Variants in TEX9 observed in about 807,000 individuals in gnomAD.
TEX9 encodes the protein testis-expressed protein 9.
A neutral mutation model predicts 59.6 loss-of-function variants in TEX9; 74 were observed. That is an observed-to-expected ratio of 1.24 (90% CI 1.03 to 1.51). The LOEUF is 1.51. TEX9 is among the 40% of genes most tolerant of loss of function. The pLI, the probability that TEX9 is intolerant of heterozygous loss-of-function variation, is 0.00. For missense variants in TEX9, 522 were observed against 447.8 expected (o/e 1.17, Z -1.49); for synonymous variants, 186 against 152.2 (o/e 1.22, Z -1.64).
In TEX9 at chr15:56,258,339, T is replaced by A. The variant is rs188608686; in HGVS notation, c.-107+14061T>A. ...AGTTCTGTGAAGAAGTCGATGGTAGTTTAATGGGAGTAGCGTAGAATCTAT... is the reference window on the plus strand; with the variant it reads ...AGTTCTGTGAAGAAGTCGATGGTAGATTAATGGGAGTAGCGTAGAATCTAT... On this transcript the variant is annotated intron_variant, in intron 1 of 5. Transcript: ENST00000560827. 9.2e-5 allele frequency among the ~76,000 whole-genome samples: 14 copies of A among 152,208 alleles called. No homozygotes were observed. In the East Asian group the frequency reaches 2.7e-3, roughly 29 times the overall value.
At chr15:56,309,904 G>C (rs527325640) in intron 1 of TEX9, among the ~76,000 whole-genome samples, 8 of 151,906 alleles carry the variant, frequency 5.3e-5, no homozygotes, top group Admixed American at 4.6e-4. Context: ...CTGGAGGTGG[G>C]CACTGGGAGA....
Position 56,427,598 on chromosome 15 carries a change from TG to T in TEX9, c.964-6del. 1 of 1,499,838 alleles carries T rather than the reference TG, an allele frequency of 6.7e-7. No individual in the cohort carries two copies. The highest frequency in any genetic ancestry group is 1.4e-5 in the South Asian group (1 of 72,942). 92.9% of individuals were successfully genotyped at this position (1,499,838 alleles called of 1,614,324 possible). A position where few individuals can be genotyped will look rare whatever the true frequency, so the allele number is the denominator to read the frequency against. On this transcript the variant is annotated splice_polypyrimidine_tract_variant and splice_region_variant and intron_variant, in intron 10 of 12. Transcript: ENST00000352903. Reference sequence around the variant, plus strand: ...AAAATATATGGCACTTTTTTTTCCTTGTGTAGGACATAGCAAATGAAGAACA... The same window carrying T: ...AAAATATATGGCACTTTTTTTTCCTTTGTAGGACATAGCAAATGAAGAACA...
chr15:56,365,956 T>C (rs1773799596), intron 2 of TEX9: 7 of 1,184,954 alleles, frequency 5.9e-6, no homozygotes, highest in Non-Finnish European at 7.4e-6. Context: ...TTGGAAGTTA[T>C]TTGGGTAGCA....
chr15:56,271,063 TA>T (rs1314471399), intron 1 of TEX9, among the ~76,000 whole-genome samples: 2 of 152,168 alleles, frequency 1.3e-5, no homozygotes, highest in Non-Finnish European at 2.9e-5. Context: ...TGGCTGCCCT[TA>T]ACATTTTTCC....
chr15:56,313,651 A>C (rs1479910091), intron 1 of TEX9, among the ~76,000 whole-genome samples: 1 of 136,160 alleles, frequency 7.3e-6, no homozygotes, highest in Non-Finnish European at 1.6e-5. Context: ...TATCAGAATG[A>C]TGCTGGCCTC....
intron 1 of TEX9, among the ~76,000 whole-genome samples, chr15:56,335,035 C>G (rs1234341658): frequency 6.6e-6 from 1 of 152,076 alleles, no homozygotes; most frequent in East Asian, 1.9e-4. Flanking sequence ...AAAAGGGAAT[C>G]CTGGTACACT....
At chr15:56,347,993 A>G (rs1299989490) in intron 1 of TEX9, among the ~76,000 whole-genome samples, 2 of 152,078 alleles carry the variant, frequency 1.3e-5, no homozygotes, top group Non-Finnish European at 2.9e-5. Flanking sequence ...GGATGTTAGA[A>G]AAGTGCATGT....
At chr15:56,376,541 A>G (rs1177468655) in intron 3 of TEX9, among the ~76,000 whole-genome samples, 1 of 152,020 alleles carries the variant, frequency 6.6e-6, no homozygotes, top group Non-Finnish European at 1.5e-5. Context: ...CCTGTTTGCC[A>G]TGTGTGTGTT....
chr15:56,258,165 G>T (rs188809438), intron 1 of TEX9, among the ~76,000 whole-genome samples: 1 of 151,964 alleles, frequency 6.6e-6, no homozygotes, highest in Admixed American at 6.6e-5. Flanking sequence ...TTCTTGTACT[G>T]GTACCATGCT....
intron 12 of TEX9, chr15:56,443,632 T>C (rs371101540): frequency 2.7e-5 from 44 of 1,609,676 alleles, no homozygotes; most frequent in Non-Finnish European, 3.3e-5. Context: ...GTGGTTATTT[T>C]AATACCGCAT....
chr15:56,316,479 G>C (rs1485038208), intron 1 of TEX9, among the ~76,000 whole-genome samples: 1 of 149,884 alleles, frequency 6.7e-6, no homozygotes, highest in South Asian at 2.2e-4. Context: ...AGGGGTCAGG[G>C]ACCCACTTGA....
chr15:56,281,284 G>C (rs1345108835), intron 1 of TEX9, among the ~76,000 whole-genome samples: 1 of 152,212 alleles, frequency 6.6e-6, no homozygotes, highest in Non-Finnish European at 1.5e-5. Context: ...TATAGTTTAA[G>C]TCAGGGGTCC....
intron 8 of TEX9, 89 bp downstream of exon 8, chr15:56,394,336 G>T (rs2048354407): frequency 2.7e-6 from 3 of 1,125,076 alleles, no homozygotes; most frequent in South Asian, 1.6e-5. Context: ...ACTTTATTTA[G>T]ATATAAATCA....
At position 56,315,796 on chromosome 15, in the gene TEX9, T is replaced by C. The variant is rs1375995051; in HGVS notation, c.-106-57645T>C. Among the ~76,000 whole-genome samples the C allele has an allele frequency of 1.7e-3, 253 of 146,538 alleles. 3 individuals carry two copies. The Middle Eastern group carries it at 0.02, about 12-fold the overall frequency. The stretch of plus-strand genomic sequence containing the variant: ...ATCACTTTCAGGTACACCAATCAGA[T>C]GTAGATTTGGTCTTTTCACATAGTC... On this transcript the variant is annotated intron_variant, in intron 1 of 5. Transcript: ENST00000560827.
the TEX9 span, among the ~76,000 whole-genome samples, chr15:56,457,591 G>A: frequency 6.6e-6 from 1 of 152,188 alleles, no homozygotes; most frequent in African/African-American, 2.4e-5. Flanking sequence ...GGGAGGCTAA[G>A]GTGGGAGGAT....
chr15:56,295,030 A>AAT, intron 1 of TEX9, among the ~76,000 whole-genome samples: 1 of 152,204 alleles, frequency 6.6e-6, no homozygotes, highest in South Asian at 2.1e-4. Context: ...AGTAAGCCTA[A>AAT]ATATATATAA....
intron 1 of TEX9, among the ~76,000 whole-genome samples, chr15:56,317,974 G>C (rs2045816416): frequency 6.6e-6 from 1 of 152,104 alleles, no homozygotes. Context: ...GAGGTGGAAT[G>C]TTCATAGATG....
At chr15:56,413,017 G>T (rs1379449308) in intron 10 of TEX9, among the ~76,000 whole-genome samples, 2 of 152,100 alleles carry the variant, frequency 1.3e-5, no homozygotes, top group East Asian at 3.9e-4. Flanking sequence ...GCTTGGCATA[G>T]AATTAGCATT....
At chr15:56,456,542 C>T in the TEX9 span, 17 of 1,603,756 alleles carry the variant, frequency 1.1e-5, no homozygotes, top group Admixed American at 1.7e-5. Flanking sequence ...AATTTAACTT[C>T]GTTGTTTGTC....
Sources: allele counts gnomAD v4.1 joint callset (sites outside exome capture counted in the v4.1 genomes callset), GRCh38; gene constraint gnomAD v4.1.1; transcripts MANE v1.5; gene names NCBI Gene and HGNC (gene_info 2026-07-23, HGNC 2026-07-21).